Variants in KHDRBS2 observed in about 807,000 individuals in gnomAD.
The protein encoded by KHDRBS2 is KH domain-containing, RNA-binding, signal transduction-associated protein 2.
In KHDRBS2, 26 loss-of-function variants were observed where a neutral mutation model predicts 44.3. The observed-to-expected ratio is 0.59, with a 90% CI of 0.43 to 0.81. The LOEUF (loss-of-function observed/expected upper bound fraction) is 0.81. Among genes scored for constraint, KHDRBS2 ranks in the 40% least tolerant of loss-of-function variants. The pLI is 0.00. For synonymous variants in KHDRBS2, 194 were observed against 151.1 expected, an observed-to-expected ratio of 1.28 and a Z score of -2.08; for missense variants, 476 against 433.1, an observed-to-expected ratio of 1.10 and a Z score of -0.88.
chr6:62,050,429 T>TA (rs34093577), intron 2 of KHDRBS2, among the ~76,000 whole-genome samples: 28 of 146,886 alleles, frequency 1.9e-4, no homozygotes, highest in East Asian at 8.1e-4. Flanking sequence ...AACTTAAAGT[T>TA]AAAAAAAAAA....
At chr6:61,721,941 G>T (rs1162349117) in intron 7 of KHDRBS2, among the ~76,000 whole-genome samples, 1 of 145,890 alleles carries the variant, frequency 6.9e-6, no homozygotes. Context: ...TTATTATTTT[G>T]AGATACGTCC....
chr6:62,215,389 C>T (rs1829813524), intron 1 of KHDRBS2, among the ~76,000 whole-genome samples: 1 of 151,628 alleles, frequency 6.6e-6, no homozygotes, highest in Non-Finnish European at 1.5e-5. Flanking sequence ...GAGATAGAGA[C>T]TGGTTATGAT....
At chr6:61,989,877 C>A (rs529692822) in intron 3 of KHDRBS2, among the ~76,000 whole-genome samples, 3 of 152,118 alleles carry the variant, frequency 2.0e-5, no homozygotes, top group Non-Finnish European at 4.4e-5. Flanking sequence ...TAGCATAGAA[C>A]AGGGAAGAAA....
At chr6:61,713,864 CCTAT>C (rs1405535870) in intron 7 of KHDRBS2, among the ~76,000 whole-genome samples, 1 of 151,606 alleles carries the variant, frequency 6.6e-6, no homozygotes, top group Non-Finnish European at 1.5e-5. Flanking sequence ...AAACTAGATC[CCTAT>C]CTTTTACCAT....
At chr6:62,053,130 T>C (rs1016955445) in intron 2 of KHDRBS2, among the ~76,000 whole-genome samples, 1 of 151,954 alleles carries the variant, frequency 6.6e-6, no homozygotes, top group African/African-American at 2.4e-5. Flanking sequence ...TAAAATGTAT[T>C]AAAAAATAAA....
At chr6:61,731,676 T>C (rs897366587) in intron 7 of KHDRBS2, among the ~76,000 whole-genome samples, 1 of 152,118 alleles carries the variant, frequency 6.6e-6, no homozygotes, top group African/African-American at 2.4e-5. Flanking sequence ...TGATCAATGC[T>C]ATAATGATTT....
chr6:62,218,362 T>C (rs1311456083), intron 1 of KHDRBS2, among the ~76,000 whole-genome samples: 1 of 151,822 alleles, frequency 6.6e-6, no homozygotes, highest in Non-Finnish European at 1.5e-5. Flanking sequence ...CATATAATTA[T>C]TTCCTCAAGC....
At chr6:61,945,382 T>G (rs1813161096) in intron 4 of KHDRBS2, among the ~76,000 whole-genome samples, 2 of 151,550 alleles carry the variant, frequency 1.3e-5, no homozygotes, top group East Asian at 1.9e-4. Context: ...TACTAAACAT[T>G]TTGCTAAGCA....
chr6:61,553,316 GT>G, the KHDRBS2 span, among the ~76,000 whole-genome samples: 5 of 151,952 alleles, frequency 3.3e-5, no homozygotes, highest in African/African-American at 4.8e-5. Context: ...GTCTCTGAGA[GT>G]TTTTTTGTTG....
At chr6:61,983,236 C>CTTTCTTTCTTTCTTTCTTTCTTTCTTTCT (rs1309156581) in intron 3 of KHDRBS2, among the ~76,000 whole-genome samples, 1 of 118,504 alleles carries the variant, frequency 8.4e-6, no homozygotes, top group Non-Finnish European at 1.8e-5. Context: ...TTCTTTCTTT[C>CTTTCTTTCTTTCTTTCTTTCTTTCTTTCT]TTTTTTTTTT....
At chr6:61,867,094 G>T (rs1396413282) in intron 6 of KHDRBS2, among the ~76,000 whole-genome samples, 4 of 152,054 alleles carry the variant, frequency 2.6e-5, no homozygotes, top group African/African-American at 9.7e-5. Context: ...CCACTCTACT[G>T]GTACCAATTT....
intron 6 of KHDRBS2, among the ~76,000 whole-genome samples, chr6:61,882,977 T>C (rs752784013): frequency 1.3e-5 from 2 of 152,048 alleles, no homozygotes; most frequent in Non-Finnish European, 2.9e-5. Flanking sequence ...TTCTTAGATA[T>C]GATTTGTAAC....
intron 1 of KHDRBS2, among the ~76,000 whole-genome samples, chr6:62,231,429 G>A (rs905871834): frequency 6.6e-6 from 1 of 152,048 alleles, no homozygotes; most frequent in Admixed American, 6.6e-5. Flanking sequence ...CTCACTATCA[G>A]CAGAACAGTA....
intron 6 of KHDRBS2, among the ~76,000 whole-genome samples, chr6:61,843,448 C>A (rs991053750): frequency 2.6e-5 from 4 of 151,404 alleles, no homozygotes; most frequent in African/African-American, 9.7e-5. Flanking sequence ...AACCTCTGCT[C>A]CAGGGTTCAA....
chr6:62,063,607 T>G (rs1372430288), intron 2 of KHDRBS2, among the ~76,000 whole-genome samples: 2 of 151,298 alleles, frequency 1.3e-5, no homozygotes, highest in African/African-American at 4.9e-5. Context: ...TCTCAATAAA[T>G]TAGGTATTGA....
At chr6:62,066,729 G>A (rs1297612854) in intron 2 of KHDRBS2, among the ~76,000 whole-genome samples, 1 of 151,678 alleles carries the variant, frequency 6.6e-6, no homozygotes, top group African/African-American at 2.4e-5. Context: ...TTTTCTAGGG[G>A]ACATAGAAGC....
At chr6:61,936,574 C>T (rs1443979898) in intron 4 of KHDRBS2, among the ~76,000 whole-genome samples, 3 of 151,828 alleles carry the variant, frequency 2.0e-5, no homozygotes, top group Non-Finnish European at 4.4e-5. Context: ...CTTTATTTTA[C>T]ATTCCATTAT....
chr6:61,842,285 G>A (rs581201), intron 6 of KHDRBS2, among the ~76,000 whole-genome samples: 23,776 of 152,140 alleles, frequency 0.16, 2,471 homozygotes, highest in South Asian at 0.27. Flanking sequence ...ATACTGAAGA[G>A]CAAAATTGGT....
the KHDRBS2 span, among the ~76,000 whole-genome samples, chr6:61,669,744 C>A: frequency 6.6e-6 from 1 of 150,774 alleles, no homozygotes; most frequent in Admixed American, 6.6e-5. Flanking sequence ...ATTATTATCA[C>A]CATTTTACCT....
Sources: allele counts gnomAD v4.1 joint callset (sites outside exome capture counted in the v4.1 genomes callset), GRCh38; gene constraint gnomAD v4.1.1; transcripts MANE v1.5; gene names NCBI Gene and HGNC (gene_info 2026-07-23, HGNC 2026-07-21).